Variants in ZPBP observed in about 807,000 individuals in gnomAD.
ZPBP encodes the protein zona pellucida-binding protein 1.
In ZPBP, 26 loss-of-function variants were observed where a neutral mutation model predicts 44.8. That is an observed-to-expected ratio of 0.58 (90% CI 0.43 to 0.81). The LOEUF (loss-of-function observed/expected upper bound fraction) is 0.81. ZPBP is among the 30% of genes least tolerant of loss of function. The pLI is 0.00. For missense variants in ZPBP, 409 were observed against 434.0 expected (o/e 0.94, Z 0.51); for synonymous variants, 174 against 153.2 (o/e 1.14, Z -1.00).
chr7:49,929,258 C>T (rs1344991597), intron 1 of ZPBP, among the ~76,000 whole-genome samples: 1 of 152,222 alleles, frequency 6.6e-6, no homozygotes, highest in East Asian at 1.9e-4. Flanking sequence ...TGCCCTGGAT[C>T]ACAGGAAGAT....
At chr7:49,995,635 T>C (rs1257135363) in intron 6 of ZPBP, among the ~76,000 whole-genome samples, 1 of 152,202 alleles carries the variant, frequency 6.6e-6, no homozygotes, top group East Asian at 1.9e-4. Context: ...GAATTCAGCA[T>C]TGCTTTAATT....
chr7:50,081,673 G>A (rs3807322), intron 3 of ZPBP, 101 bp downstream of exon 3: 312,591 of 1,390,858 alleles, frequency 0.22, 41,098 homozygotes, highest in East Asian at 0.66. Flanking sequence ...AAAAAGAATT[G>A]AGGAAATAAC....
At chr7:49,933,310 CTACTT>C (rs1329119839), downstream of ZPBP, among the ~76,000 whole-genome samples, 9 of 152,166 alleles carry the variant, frequency 5.9e-5, no homozygotes, top group African/African-American at 2.2e-4. Flanking sequence ...TTCTAATCCT[CTACTT>C]TACAAATTTC....
chr7:50,046,545 A>C (rs980024984), intron 4 of ZPBP, among the ~76,000 whole-genome samples: 1 of 152,200 alleles, frequency 6.6e-6, no homozygotes, highest in African/African-American at 2.4e-5. Flanking sequence ...TATGAAAAAA[A>C]GCTCATCATC....
At chr7:50,048,962 G>A (rs1452981024) in intron 4 of ZPBP, among the ~76,000 whole-genome samples, 1 of 151,718 alleles carries the variant, frequency 6.6e-6, no homozygotes. Flanking sequence ...AGAGATAGAA[G>A]ACTCAAATTA....
At chr7:50,090,224 G>A (rs1317841228) in intron 1 of ZPBP, among the ~76,000 whole-genome samples, 3 of 151,980 alleles carry the variant, frequency 2.0e-5, no homozygotes, top group African/African-American at 7.3e-5. Context: ...CCAATTTGTA[G>A]TCTTTTATCC....
chr7:50,088,091 T>C (rs980010888), intron 2 of ZPBP, among the ~76,000 whole-genome samples: 1 of 152,012 alleles, frequency 6.6e-6, no homozygotes, highest in African/African-American at 2.4e-5. Context: ...TATAAATCAA[T>C]GGTATAGAAT....
chr7:49,981,342 ATT>A (rs1206901730), intron 7 of ZPBP, among the ~76,000 whole-genome samples: 3 of 17,408 alleles, frequency 1.7e-4, no homozygotes, highest in Non-Finnish European at 3.1e-4. Context: ...AATTATATAT[ATT>A]ATATAATATA....
At chr7:50,075,176 G>A (rs968068163) in intron 3 of ZPBP, among the ~76,000 whole-genome samples, 4 of 151,676 alleles carry the variant, frequency 2.6e-5, no homozygotes, top group African/African-American at 9.7e-5. Flanking sequence ...ATGACCAGTG[G>A]GTTGTTAAAG....
intron 6 of ZPBP, among the ~76,000 whole-genome samples, chr7:49,988,750 C>G (rs1164250326): frequency 2.0e-5 from 3 of 152,230 alleles, no homozygotes; most frequent in African/African-American, 7.2e-5. Flanking sequence ...GAGATTGTGA[C>G]ATTGGAATAA....
intron 4 of ZPBP, among the ~76,000 whole-genome samples, chr7:50,040,991 C>G (rs926801080): frequency 6.6e-6 from 1 of 152,168 alleles, no homozygotes; most frequent in Non-Finnish European, 1.5e-5. Context: ...TCTGCCATTA[C>G]TGAGGCTTTA....
Position 50,089,610 on chromosome 7 carries a change from A to G in ZPBP, c.208+19T>C, listed in dbSNP as rs1455905459. 3 of 1,565,242 alleles carry G rather than the reference A, an allele frequency of 1.9e-6. No individual in the cohort carries two copies. The highest frequency in any genetic ancestry group is 2.6e-6 in the Non-Finnish European group (3 of 1,141,960). ...TGCTAATAACTTTTAAAAATTAGTG[A>G]AAATATATTTATGAATACCTGGAAA... On this transcript the variant is annotated intron_variant, in intron 2 of 7. Coordinates refer to ENST00000046087, the MANE Select transcript of ZPBP (RefSeq NM_007009.3).
chr7:50,071,652 C>T (rs371839132), intron 3 of ZPBP, among the ~76,000 whole-genome samples: 14 of 152,108 alleles, frequency 9.2e-5, no homozygotes, highest in Non-Finnish European at 1.8e-4. Context: ...GTGGGGAGGA[C>T]GCTGTCTTGC....
At chr7:49,916,563 T>C (rs1793737620) in intron 1 of ZPBP, 1 of 152,244 alleles carries the variant, frequency 6.6e-6, no homozygotes, top group South Asian at 2.1e-4. Flanking sequence ...TAATGGTTAA[T>C]TTTATGCCTG....
intron 4 of ZPBP, among the ~76,000 whole-genome samples, chr7:50,041,209 G>A (rs1248639546): frequency 6.6e-6 from 1 of 152,212 alleles, no homozygotes; most frequent in East Asian, 1.9e-4. Flanking sequence ...GCACCTGGGG[G>A]AAGGGGCAGC....
chr7:49,936,857 G>T (rs1794634424), downstream of ZPBP, among the ~76,000 whole-genome samples: 1 of 152,112 alleles, frequency 6.6e-6, no homozygotes, highest in African/African-American at 2.4e-5. Context: ...GTCAGGGAAA[G>T]AAATTGCTTT....
intron 7 of ZPBP, among the ~76,000 whole-genome samples, chr7:49,976,797 T>G (rs937854980): frequency 2.0e-5 from 3 of 152,136 alleles, no homozygotes; most frequent in Non-Finnish European, 4.4e-5. Context: ...TTACATGGAC[T>G]GCTTTTACTG....
chr7:49,916,119 A>G (rs551340425), intron 1 of ZPBP: 6 of 152,332 alleles, frequency 3.9e-5, no homozygotes, highest in South Asian at 2.1e-4. Context: ...TACTTATGTC[A>G]TATCCTCACT....
At chr7:49,995,725 A>G (rs1478261494) in intron 6 of ZPBP, among the ~76,000 whole-genome samples, 1 of 152,224 alleles carries the variant, frequency 6.6e-6, no homozygotes, top group Non-Finnish European at 1.5e-5. Flanking sequence ...TTTCAACAAC[A>G]TCAATAAAAC....
Sources: gnomAD v4.1 joint callset for allele counts (sites outside exome capture counted in the v4.1 genomes callset) on GRCh38, gnomAD v4.1.1 for gene constraint, MANE v1.5 for transcripts, NCBI Gene and HGNC (gene_info 2026-07-23, HGNC 2026-07-21) for gene names.